SYT1: variants seen among roughly 807,000 people sequenced by gnomAD.
The protein encoded by SYT1 is synaptotagmin-1.
Under a neutral mutation model 44.8 loss-of-function variants are expected in SYT1, and 8 were observed. The observed-to-expected ratio is 0.18, with a 90% CI of 0.10 to 0.32. The LOEUF is 0.32. Ranked by LOEUF, SYT1 falls within the 10% of genes least tolerant of loss-of-function variation. The pLI, the probability that SYT1 is intolerant of heterozygous loss-of-function variation, is 1.00. For synonymous variants in SYT1, 154 were observed against 188.8 expected (o/e 0.82, Z 1.51); for missense variants, 286 against 509.3 (o/e 0.56, Z 4.22).
rs566800434 is a variant in SYT1, at chr12:78,998,050, A to C, written c.-84+20119A>C. On this transcript the variant is annotated intron_variant, in intron 2 of 10. Transcript: ENST00000261205. Reference sequence around the variant, plus strand: ...TTTGCCCCAGATCAGGTTTTGGTAGATCTGAGAACAAATGAAACAAAAGAA... The same window carrying C: ...TTTGCCCCAGATCAGGTTTTGGTAGCTCTGAGAACAAATGAAACAAAAGAA... Among the ~76,000 whole-genome samples, 3 of 152,316 alleles carry C rather than the reference A, an allele frequency of 2.0e-5. No individual in the cohort carries two copies. In the South Asian group the frequency reaches 6.2e-4, roughly 32 times the overall value.
chr12:78,959,301 AT>A (rs1008629545), intron 1 of SYT1, among the ~76,000 whole-genome samples: 1 of 152,128 alleles, frequency 6.6e-6, no homozygotes, highest in East Asian at 1.9e-4. Context: ...TAGAAGAAAG[AT>A]TTTTTTAACT....
chr12:79,298,412 G>A (rs964525843), intron 7 of SYT1, among the ~76,000 whole-genome samples: 1 of 152,006 alleles, frequency 6.6e-6, no homozygotes, highest in Non-Finnish European at 1.5e-5. Flanking sequence ...TATGTAGATG[G>A]CCCAATATTC....
intron 9 of SYT1, among the ~76,000 whole-genome samples, chr12:79,424,889 T>G (rs1166781519): frequency 2.0e-5 from 3 of 151,560 alleles, no homozygotes; most frequent in African/African-American, 7.3e-5. Flanking sequence ...CTGCTCCTTA[T>G]AGGAAAGACT....
chr12:79,287,779 T>A (rs1314726491), intron 5 of SYT1, among the ~76,000 whole-genome samples: 1 of 152,138 alleles, frequency 6.6e-6, no homozygotes. Context: ...CCTGGATAAA[T>A]GACCAAGATC....
chr12:79,424,953 C>CTTTTTTTTTTTTTTTTTTTTTTT (rs398040025), intron 9 of SYT1, among the ~76,000 whole-genome samples: 11 of 85,250 alleles, frequency 1.3e-4, no homozygotes, highest in Non-Finnish European at 1.6e-4. Context: ...TTTTCTTCTT[C>CTTTTTTTTTTTTTTTTTTTTTTT]TTTTTTTTTT....
At chr12:79,319,653 C>T (rs2138972205) in intron 8 of SYT1, among the ~76,000 whole-genome samples, 1 of 152,294 alleles carries the variant, frequency 6.6e-6, no homozygotes. Context: ...CTGCAACAGC[C>T]AGCATCCATT....
chr12:79,119,284 C>A (rs1181151612), intron 3 of SYT1, among the ~76,000 whole-genome samples: 1 of 152,140 alleles, frequency 6.6e-6, no homozygotes, highest in African/African-American at 2.4e-5. Context: ...GTAAACAATG[C>A]AAGTATGCCA....
chr12:79,282,001 C>T (rs778235552), intron 4 of SYT1, among the ~76,000 whole-genome samples: 1 of 152,140 alleles, frequency 6.6e-6, no homozygotes, highest in African/African-American at 2.4e-5. Context: ...CATTCCTTGG[C>T]TCATGGTCCC....
At chr12:79,173,242 A>C (rs1682695193) in intron 3 of SYT1, among the ~76,000 whole-genome samples, 1 of 152,032 alleles carries the variant, frequency 6.6e-6, no homozygotes, top group African/African-American at 2.4e-5. Context: ...AATTCAGATC[A>C]GCAATGCTCC....
chr12:79,219,112 G>A (rs901027961), intron 4 of SYT1, among the ~76,000 whole-genome samples: 1 of 151,966 alleles, frequency 6.6e-6, no homozygotes, highest in Non-Finnish European at 1.5e-5. Context: ...GATAATTAGT[G>A]GTATTAAGCA....
At chr12:79,210,933 G>GTTT (rs573715825) in intron 3 of SYT1, among the ~76,000 whole-genome samples, 2 of 135,180 alleles carry the variant, frequency 1.5e-5, no homozygotes, top group Admixed American at 7.4e-5. Flanking sequence ...ACATTTTAAA[G>GTTT]TTTTTTTTTT....
intron 3 of SYT1, among the ~76,000 whole-genome samples, chr12:79,127,440 A>G (rs2138161031): frequency 6.6e-6 from 1 of 151,746 alleles, no homozygotes; most frequent in South Asian, 2.1e-4. Flanking sequence ...ATTTAAGAGC[A>G]AGAGTTTTGA....
intron 4 of SYT1, among the ~76,000 whole-genome samples, chr12:79,244,407 C>T (rs1387929012): frequency 1.3e-5 from 2 of 152,098 alleles, no homozygotes; most frequent in Non-Finnish European, 2.9e-5. Flanking sequence ...AATATTTGAT[C>T]ATAAAGCTAA....
intron 8 of SYT1, among the ~76,000 whole-genome samples, chr12:79,348,806 T>A (rs2135993256): frequency 6.7e-6 from 1 of 149,718 alleles, no homozygotes; most frequent in East Asian, 2.0e-4. Flanking sequence ...AAGGTGGTAG[T>A]GATAGTGACA....
chr12:78,947,806 A>AG (rs1878749208), intron 1 of SYT1, among the ~76,000 whole-genome samples: 1 of 151,972 alleles, frequency 6.6e-6, no homozygotes, highest in Admixed American at 6.6e-5. Context: ...TTAAAAAAAA[A>AG]AGATAGAATT....
At chr12:79,024,023 G>A (rs1204683403) in intron 2 of SYT1, among the ~76,000 whole-genome samples, 4 of 151,676 alleles carry the variant, frequency 2.6e-5, no homozygotes, top group South Asian at 4.2e-4. Context: ...TAAATTCTTC[G>A]CAACACTGCC....
intron 3 of SYT1, among the ~76,000 whole-genome samples, chr12:79,200,490 C>T (rs1873717204): frequency 6.6e-6 from 1 of 152,098 alleles, no homozygotes; most frequent in Non-Finnish European, 1.5e-5. Context: ...AGAAGCAAAG[C>T]ACAGTCCTCT....
chr12:79,187,690 A>C (rs1872882947), intron 3 of SYT1, among the ~76,000 whole-genome samples: 1 of 152,108 alleles, frequency 6.6e-6, no homozygotes, highest in African/African-American at 2.4e-5. Context: ...CTTTATCACT[A>C]TTCCAGTATA....
chr12:78,991,318 A>C (rs546048705), intron 2 of SYT1, among the ~76,000 whole-genome samples: 3 of 152,256 alleles, frequency 2.0e-5, no homozygotes, highest in Admixed American at 6.5e-5. Context: ...AACCTATTAT[A>C]GAAACTCTTC....
Sources: gnomAD v4.1 joint callset for allele counts (sites outside exome capture counted in the v4.1 genomes callset) on GRCh38, gnomAD v4.1.1 for gene constraint, MANE v1.5 for transcripts, NCBI Gene and HGNC (gene_info 2026-07-23, HGNC 2026-07-21) for gene names.